Variants in LRFN5 observed in about 807,000 individuals in gnomAD.
The protein encoded by LRFN5 is leucine-rich repeat and fibronectin type-III domain-containing protein 5.
Under a neutral mutation model 45.6 loss-of-function variants are expected in LRFN5, and 24 were observed. That is an observed-to-expected ratio of 0.53 (90% CI 0.38 to 0.74). The LOEUF is 0.74. Ranked by LOEUF, LRFN5 falls within the 30% of genes least tolerant of loss-of-function variation. LRFN5 has a pLI of 0.00. For synonymous variants in LRFN5, 340 were observed against 313.8 expected, an observed-to-expected ratio of 1.08 and a Z score of -0.88; for missense variants, 776 against 861.5, an observed-to-expected ratio of 0.90 and a Z score of 1.24.
At chr14:41,673,549 C>A (rs1411391887) in intron 1 of LRFN5, among the ~76,000 whole-genome samples, 2 of 145,850 alleles carry the variant, frequency 1.4e-5, no homozygotes, top group African/African-American at 5.1e-5. Context: ...ACCTCCCGGA[C>A]GGGGCGGCTG....
chr14:41,613,916 A>G (rs1242474489), intron 1 of LRFN5, among the ~76,000 whole-genome samples: 1 of 151,460 alleles, frequency 6.6e-6, no homozygotes, highest in Non-Finnish European at 1.5e-5. Context: ...TCCAGTCTTC[A>G]TTTTTACTCC....
At chr14:41,733,512 A>G (rs1255828479) in intron 1 of LRFN5, 2 of 152,154 alleles carry the variant, frequency 1.3e-5, no homozygotes, top group Non-Finnish European at 2.9e-5. Context: ...GAAAAGCTGA[A>G]GTAGTTATTA....
chr14:41,891,144 A>C, intron 3 of LRFN5, 106 bp from the exon 4 acceptor site: 2 of 844,998 alleles, frequency 2.4e-6, no homozygotes, highest in Non-Finnish European at 1.9e-6. Flanking sequence ...TATGTTATAA[A>C]TGTACTTAAT....
chr14:41,780,384 A>G (rs1886438664), intron 2 of LRFN5, among the ~76,000 whole-genome samples: 1 of 137,086 alleles, frequency 7.3e-6, no homozygotes, highest in Admixed American at 7.4e-5. Context: ...CATGTTAAGG[A>G]TTGTTGTGTC....
At chr14:41,751,223 C>A (rs566330705) in intron 1 of LRFN5, among the ~76,000 whole-genome samples, 1 of 152,206 alleles carries the variant, frequency 6.6e-6, no homozygotes, top group Non-Finnish European at 1.5e-5. Flanking sequence ...GGGAGCCAAA[C>A]CATTTCAGCA....
At chr14:41,697,164 T>C (rs73297708) in intron 1 of LRFN5, among the ~76,000 whole-genome samples, 287 of 152,132 alleles carry the variant, frequency 1.9e-3, no homozygotes, top group African/African-American at 6.7e-3. Flanking sequence ...TATTTCTTTC[T>C]TATAGATAGG....
intron 1 of LRFN5, among the ~76,000 whole-genome samples, chr14:41,734,316 T>TATATATATATATATATATATATATATA (rs1884314909): frequency 2.6e-5 from 1 of 38,768 alleles, no homozygotes; most frequent in African/African-American, 5.3e-5. Flanking sequence ...TGGACTGGTT[T>TATATATATATATATATATATATATATA]TATATATATA....
chr14:41,704,025 A>G (rs577451154), intron 1 of LRFN5, among the ~76,000 whole-genome samples: 5 of 152,246 alleles, frequency 3.3e-5, no homozygotes, highest in South Asian at 4.1e-4. Flanking sequence ...CCCTGTCAAT[A>G]TGACCTTCTA....
In LRFN5 at chr14:41,703,265, G is replaced by A. The variant is rs532886621; in HGVS notation, c.-196-63589G>A. Among the ~76,000 whole-genome samples, 4 of 152,236 alleles carry A rather than the reference G, an allele frequency of 2.6e-5. No homozygotes were observed. In the South Asian group the frequency reaches 6.2e-4, roughly 24 times the overall value. ...ATGGGTTCTAATTTACATAGCATGTGCATATGTTATAAGGACACATTTAGT... is the reference window on the plus strand; with the variant it reads ...ATGGGTTCTAATTTACATAGCATGTACATATGTTATAAGGACACATTTAGT... On this transcript the variant is annotated intron_variant, in intron 1 of 5. Transcript: ENST00000298119.
At chr14:41,734,214 G>T (rs1884308297) in intron 1 of LRFN5, among the ~76,000 whole-genome samples, 1 of 142,708 alleles carries the variant, frequency 7.0e-6, no homozygotes, top group Admixed American at 7.1e-5. Flanking sequence ...GTTTCACCAT[G>T]TTGGCCAGGC....
intron 5 of LRFN5, among the ~76,000 whole-genome samples, chr14:41,903,476 T>A (rs1891159512): frequency 6.6e-6 from 1 of 151,532 alleles, no homozygotes; most frequent in African/African-American, 2.4e-5. Flanking sequence ...AGAATAGACT[T>A]CATTAGACAT....
At chr14:41,735,300 G>A (rs1884376434) in intron 1 of LRFN5, among the ~76,000 whole-genome samples, 1 of 151,908 alleles carries the variant, frequency 6.6e-6, no homozygotes, top group African/African-American at 2.4e-5. Context: ...CAGTGTCTCA[G>A]TCTGTTACCC....
chr14:41,855,255 G>C (rs556572069), intron 2 of LRFN5, among the ~76,000 whole-genome samples: 1 of 152,270 alleles, frequency 6.6e-6, no homozygotes, highest in Admixed American at 6.5e-5. Flanking sequence ...ATAGATATTA[G>C]GGACAGATTG....
intron 2 of LRFN5, among the ~76,000 whole-genome samples, chr14:41,838,975 C>G (rs1888762068): frequency 6.6e-6 from 1 of 151,962 alleles, no homozygotes; most frequent in Non-Finnish European, 1.5e-5. Flanking sequence ...CAGGGATTGG[C>G]TATTGGAGAA....
Position 41,850,028 on chromosome 14 carries a change from T to C in LRFN5, c.-20-36578T>C, listed in dbSNP as rs1889210496. Reference sequence around the variant, plus strand: ...GGTTAGAATAGAAACAATGACCTACTTAGGTTTTGGTCTTCACCTCCAAGT... The same window carrying C: ...GGTTAGAATAGAAACAATGACCTACCTAGGTTTTGGTCTTCACCTCCAAGT... On this transcript the variant is annotated intron_variant, in intron 2 of 5. Coordinates refer to ENST00000298119, the MANE Select transcript of LRFN5 (RefSeq NM_152447.5). Among the ~76,000 whole-genome samples the C allele has an allele frequency of 2.0e-5, 3 of 151,914 alleles. No individual in the cohort carries two copies. In the South Asian group the frequency reaches 6.2e-4, roughly 31 times the overall value.
At chr14:41,755,646 A>G (rs1226350926) in intron 1 of LRFN5, among the ~76,000 whole-genome samples, 1 of 151,804 alleles carries the variant, frequency 6.6e-6, no homozygotes, top group African/African-American at 2.4e-5. Context: ...CTTTATTTTG[A>G]GCCTATGTGT....
chr14:41,883,542 T>G (rs1468658918), intron 2 of LRFN5, among the ~76,000 whole-genome samples: 1 of 152,170 alleles, frequency 6.6e-6, no homozygotes, highest in East Asian at 1.9e-4. Flanking sequence ...TCTTACCTTG[T>G]TTTCATCTTT....
At chr14:41,643,660 A>T (rs571856533) in intron 1 of LRFN5, among the ~76,000 whole-genome samples, 1 of 151,858 alleles carries the variant, frequency 6.6e-6, no homozygotes, top group African/African-American at 2.4e-5. Context: ...CCTGGGCACA[A>T]TCTCTCCCCA....
At chr14:41,845,909 C>G (rs1594460400) in intron 2 of LRFN5, among the ~76,000 whole-genome samples, 1 of 152,144 alleles carries the variant, frequency 6.6e-6, no homozygotes, top group African/African-American at 2.4e-5. Flanking sequence ...TCCCTGCATT[C>G]CAGAGCTAAA....
Sources: gnomAD v4.1 joint callset for allele counts (sites outside exome capture counted in the v4.1 genomes callset) on GRCh38, gnomAD v4.1.1 for gene constraint, MANE v1.5 for transcripts, NCBI Gene and HGNC (gene_info 2026-07-23, HGNC 2026-07-21) for gene names.